The following DAZAP1 variants were observed in gnomAD, a reference collection of about 807,000 sequenced individuals.
DAZAP1 encodes the protein DAZ associated protein 1, also known as DAZ-associated protein 1.
A neutral mutation model predicts 60.1 loss-of-function variants in DAZAP1; 6 were observed. That is an observed-to-expected ratio of 0.10 (90% CI 0.05 to 0.20). DAZAP1 has a LOEUF of 0.20. Among genes scored for constraint, DAZAP1 ranks in the 10% least tolerant of loss-of-function variants. The pLI, the probability that DAZAP1 is intolerant of heterozygous loss-of-function variation, is 1.00. For missense variants in DAZAP1, 366 were observed against 560.4 expected, an observed-to-expected ratio of 0.65 and a Z score of 3.50; for synonymous variants, 235 against 215.9, an observed-to-expected ratio of 1.09 and a Z score of -0.78.
Position 1,433,041 on chromosome 19 carries a change from G to A in DAZAP1, c.1048+351G>A. The A allele has an allele frequency of 4.1e-6, 1 of 244,960 alleles. No homozygotes were observed. Among genetic ancestry groups the A allele is most frequent in the Non-Finnish European group, 7.9e-6 (1 of 125,956 alleles). 15.2% of individuals were successfully genotyped at this position (244,960 alleles called of 1,614,324 possible). On this transcript the variant is annotated intron_variant, in intron 11 of 11. Transcript: ENST00000233078. The surrounding 1 kb of genome is among the most constrained non-coding windows in gnomAD (Gnocchi z 6.1). ...CTCGGTGTGGGTCCCGGGTGCACTGGCCCCTTGGTGGGTTCCAGTTTCTGG... is the reference window on the plus strand; with the variant it reads ...CTCGGTGTGGGTCCCGGGTGCACTGACCCCTTGGTGGGTTCCAGTTTCTGG...
Position 1,434,885 on chromosome 19 carries a change from G to T in DAZAP1, c.1197G>T (p.Val399=). The T allele has an allele frequency of 1.9e-6, 3 of 1,573,132 alleles. No individual in the cohort carries two copies. The highest frequency in any genetic ancestry group is 2.6e-6 in the Non-Finnish European group (3 of 1,160,628). The part of the protein sequence containing the change: ...SGFGRGQNHN[V]QGFHPYRR ...TTGGACGAGGGCAGAACCACAACGTGCAAGGGTTCCACCCCTACCGACGCT... is the reference window on the plus strand; with the variant it reads ...TTGGACGAGGGCAGAACCACAACGTTCAAGGGTTCCACCCCTACCGACGCT... Residue 399 remains valine, a synonymous_variant, in exon 12 of 12, where the codon GTG becomes GTT. Transcript: ENST00000233078. This position sits in a 1 kb window ranked among gnomAD's most constrained non-coding sequence, Gnocchi z 8.0.
At chr19:1,412,568 C>T (rs1400313502) in intron 1 of DAZAP1, among the ~76,000 whole-genome samples, 1 of 152,136 alleles carries the variant, frequency 6.6e-6, no homozygotes, top group Non-Finnish European at 1.5e-5. Context: ...CTGCTGGCCC[C>T]GAATGGCCGG....
intron 1 of DAZAP1, among the ~76,000 whole-genome samples, chr19:1,414,414 C>CA (rs1387807477): frequency 6.6e-6 from 1 of 152,158 alleles, no homozygotes; most frequent in Non-Finnish European, 1.5e-5. Flanking sequence ...TTCCCAAGAA[C>CA]AATGACATTC....
rs2083216396 is a variant in DAZAP1, at chr19:1,423,379, TTCTC to T, written c.463+987_463+990del. 6.6e-6 allele frequency among the ~76,000 whole-genome samples: 1 copy of T among 152,274 alleles called. No homozygotes were observed. Among genetic ancestry groups the T allele is most frequent in the African/African-American group, 2.4e-5 (1 of 41,472 alleles). On this transcript the variant is annotated intron_variant, in intron 6 of 11. Transcript: ENST00000233078. This position sits in a 1 kb window ranked among gnomAD's most constrained non-coding sequence, Gnocchi z 6.8. Reference sequence around the variant, plus strand: ...GATGTTAAGTAAGCTGTTTTTCCTTTTCTCTCTGTGAATTGTGTGTGATTAACGA... The same window carrying T: ...GATGTTAAGTAAGCTGTTTTTCCTTTTCTGTGAATTGTGTGTGATTAACGA...
At chr19:1,415,055 C>T (rs1295484661) in intron 1 of DAZAP1, among the ~76,000 whole-genome samples, 6 of 152,050 alleles carry the variant, frequency 3.9e-5, no homozygotes, top group East Asian at 1.9e-4. Context: ...GCGTGATCTG[C>T]GCCCAGCTGA....
Position 1,422,336 on chromosome 19 carries a change from C to G in DAZAP1, c.415-12C>G, listed in dbSNP as rs373254894. 1.7e-4 allele frequency: 271 copies of G among 1,613,912 alleles called. 5 individuals carry two copies. The highest frequency in any genetic ancestry group is 1.5e-3 in the South Asian group (135 of 91,064). On this transcript the variant is annotated splice_polypyrimidine_tract_variant and intron_variant, in intron 5 of 11. Transcript: ENST00000233078. The surrounding 1 kb of genome is among the most constrained non-coding windows in gnomAD (Gnocchi z 4.5). The stretch of plus-strand genomic sequence containing the variant: ...CCCTGGTGTCCGTGCTGACGCCACC[C>G]TCTCCTTCCAGGTCACGGAGGTAGT...
intron 2 of DAZAP1, 134 bp downstream of exon 2, chr19:1,417,674 C>G (rs564482056): frequency 2.7e-5 from 23 of 837,836 alleles, no homozygotes; most frequent in Non-Finnish European, 4.3e-5. Context: ...GATTTCTGGG[C>G]AGGGGACAGA....
rs1412734986 is a variant in DAZAP1, at chr19:1,416,807, G to C, written c.30-693G>C. On this transcript the variant is annotated intron_variant, in intron 1 of 11. Transcript: ENST00000233078. This position sits in a 1 kb window ranked among gnomAD's most constrained non-coding sequence, Gnocchi z 4.3. ...ACAGCCCCAGGACGGGGGTGGCGCG[G>C]GTCTTTGGTGGGGGCAGGCAGGAAG... The C allele has an allele frequency of 6.5e-6, 1 of 152,762 alleles. No homozygotes were observed. The highest frequency in any genetic ancestry group is 1.5e-5 in the Non-Finnish European group (1 of 68,444). The allele number at this position is 152,762 out of a possible 1,614,324, so 9.5% of individuals were successfully genotyped here. A position where few individuals can be genotyped will look rare whatever the true frequency, so the allele number is the denominator to read the frequency against.
chr19:1,424,309 C>G (rs1600225651), intron 6 of DAZAP1, among the ~76,000 whole-genome samples: 1 of 146,600 alleles, frequency 6.8e-6, no homozygotes. Context: ...CCTGGTCCCT[C>G]CTCCTCTTCC....
rs1009109968 is a variant in DAZAP1, at chr19:1,422,306, G to C, written c.415-42G>C. 2 of 1,596,458 alleles carry C rather than the reference G, an allele frequency of 1.3e-6. No homozygotes were observed. The highest frequency in any genetic ancestry group is 1.3e-5 in the African/African-American group (1 of 74,556). ...GTGCCCTCGGAAGACCACCTGTGGTGCTGGCCCTGGTGTCCGTGCTGACGC... is the reference window on the plus strand; with the variant it reads ...GTGCCCTCGGAAGACCACCTGTGGTCCTGGCCCTGGTGTCCGTGCTGACGC... On this transcript the variant is annotated intron_variant, in intron 5 of 11. Coordinates refer to ENST00000233078, the MANE Select transcript of DAZAP1 (RefSeq NM_018959.4). This position sits in a 1 kb window ranked among gnomAD's most constrained non-coding sequence, Gnocchi z 4.5.
At position 1,432,199 on chromosome 19, in the gene DAZAP1, A is replaced by G; in HGVS notation, c.872-315A>G. On this transcript the variant is annotated intron_variant, in intron 10 of 11. Coordinates refer to ENST00000233078, the MANE Select transcript of DAZAP1 (RefSeq NM_018959.4). This position sits in a 1 kb window ranked among gnomAD's most constrained non-coding sequence, Gnocchi z 4.9. ...CAGGTTTTTGTCCTTCTGAAAGAGC[A>G]ATTTTGCTGTGAGGTTACTTGCTCC... is the stretch of plus-strand genomic sequence containing the variant. The G allele has an allele frequency of 2.4e-6, 1 of 423,598 alleles. No homozygotes were observed. Among genetic ancestry groups the G allele is most frequent in the Non-Finnish European group, 4.3e-6 (1 of 234,244 alleles). The allele number at this position is 423,598 out of a possible 1,614,324, so 26.2% of individuals were successfully genotyped here.
At chr19:1,430,172 C>A in intron 9 of DAZAP1, 50 bp from the exon 10 acceptor site, 1 of 1,566,592 alleles carries the variant, frequency 6.4e-7, no homozygotes, top group Non-Finnish European at 8.7e-7. Flanking sequence ...TGTGGCCAGT[C>A]TGTGTTGTCC....
At chr19:1,427,514 G>A (rs1450110923) in intron 7 of DAZAP1, 6 of 152,286 alleles carry the variant, frequency 3.9e-5, no homozygotes, top group South Asian at 2.1e-4. Flanking sequence ...TTGGTACCGC[G>A]TGGTAGTTAA....
At chr19:1,408,296 C>T (rs867911677) in intron 1 of DAZAP1, among the ~76,000 whole-genome samples, 2 of 152,072 alleles carry the variant, frequency 1.3e-5, no homozygotes, top group Non-Finnish European at 2.9e-5. Context: ...GGCTTCCTGG[C>T]CTGGGGGACC....
Position 1,426,020 on chromosome 19 carries a change from G to A in DAZAP1, c.546+60G>A. The A allele has an allele frequency of 1.7e-6, 2 of 1,199,862 alleles. No homozygotes were observed. The highest frequency in any genetic ancestry group is 1.2e-5 in the South Asian group (1 of 82,702). The allele number at this position is 1,199,862 out of a possible 1,614,324, so 74.3% of individuals were successfully genotyped here. ...AAACCAAGTCTTAGGCAACTTAGGG[G>A]TTTCACTGGAAAGGAACATTCCTTC... On this transcript the variant is annotated intron_variant, in intron 7 of 11. Coordinates refer to ENST00000233078, the MANE Select transcript of DAZAP1 (RefSeq NM_018959.4). This position sits in a 1 kb window ranked among gnomAD's most constrained non-coding sequence, Gnocchi z 5.4.
chr19:1,412,404 C>T (rs2082856783), intron 1 of DAZAP1, among the ~76,000 whole-genome samples: 1 of 152,326 alleles, frequency 6.6e-6, no homozygotes, highest in African/African-American at 2.4e-5. Flanking sequence ...CGCCACTGGG[C>T]CTGGACTTCT....
rs878873465 is a variant in DAZAP1, at chr19:1,434,622, C to T, written c.1049-115C>T. The T allele has an allele frequency of 4.1e-5, 46 of 1,133,578 alleles. No individual in the cohort carries two copies. Among genetic ancestry groups the T allele is most frequent in the Middle Eastern group, 3.0e-4 (1 of 3,364 alleles). The allele number at this position is 1,133,578 out of a possible 1,614,324, so 70.2% of individuals were successfully genotyped here. ...CCTCAGAAGGGCCCCACCCGCACCCCGTGGGACCCGTGGACTCAAGGCAGG... is the reference window on the plus strand; with the variant it reads ...CCTCAGAAGGGCCCCACCCGCACCCTGTGGGACCCGTGGACTCAAGGCAGG... On this transcript the variant is annotated intron_variant, in intron 11 of 11. Coordinates refer to ENST00000233078, the MANE Select transcript of DAZAP1 (RefSeq NM_018959.4). The surrounding 1 kb of genome is among the most constrained non-coding windows in gnomAD (Gnocchi z 8.0).
chr19:1,419,164 C>G (rs2083074374), intron 4 of DAZAP1, among the ~76,000 whole-genome samples: 1 of 152,222 alleles, frequency 6.6e-6, no homozygotes, highest in African/African-American at 2.4e-5. Flanking sequence ...GTTCTCTGAC[C>G]TGCGCCCTGG....
rs542641432 is a variant in DAZAP1, at chr19:1,429,737, G to A, written c.701-230G>A. 9.8e-5 allele frequency among the ~76,000 whole-genome samples: 15 copies of A among 152,352 alleles called. 1 individual carries two copies. The South Asian group carries it at 3.1e-3, about 32-fold the overall frequency. ...GCCCCAGTCAGCAGACACAGTGCCC[G>A]CCACCTGGCAGGGCACAGAGGAGAG... On this transcript the variant is annotated intron_variant, in intron 8 of 11. Transcript: ENST00000233078.
Sources: gnomAD v4.1 joint callset for allele counts (sites outside exome capture counted in the v4.1 genomes callset) on GRCh38, gnomAD v4.1.1 for gene constraint, Gnocchi (gnomAD v3.1) non-coding constraint, MANE v1.5 for transcripts, NCBI Gene and HGNC (gene_info 2026-07-23, HGNC 2026-07-21) for gene names.